The following LDLRAD4 variants were observed in gnomAD, a reference collection of about 807,000 sequenced individuals.
LDLRAD4 encodes low-density lipoprotein receptor class A domain-containing protein 4.
LDLRAD4 carries 5 observed loss-of-function variants against 17.0 expected under a neutral mutation model. The observed-to-expected ratio is 0.29, with a 90% CI of 0.15 to 0.62. The LOEUF (loss-of-function observed/expected upper bound fraction) is 0.62, where lower values mean the gene tolerates loss of function less well. LDLRAD4 is among the 20% of genes least tolerant of loss of function. The pLI, the probability that LDLRAD4 is intolerant of heterozygous loss-of-function variation, is 0.84. For synonymous variants in LDLRAD4, 168 were observed against 171.8 expected (o/e 0.98, Z 0.17); for missense variants, 340 against 424.7 (o/e 0.80, Z 1.75).
chr18:13,252,525 C>T (rs866928538), intron 1 of LDLRAD4, among the ~76,000 whole-genome samples: 1 of 152,204 alleles, frequency 6.6e-6, no homozygotes, highest in South Asian at 2.1e-4. Flanking sequence ...GATGACTGAC[C>T]TCAGGCAGCC....
At chr18:13,568,294 C>CAA (rs757940032) in intron 3 of LDLRAD4, among the ~76,000 whole-genome samples, 2,374 of 116,484 alleles carry the variant, frequency 0.02, 62 homozygotes, top group African/African-American at 0.065. Context: ...ACTCCGTTTA[C>CAA]AAAAAAAAAA....
At chr18:13,250,376 A>G (rs1254189498) in intron 1 of LDLRAD4, among the ~76,000 whole-genome samples, 1 of 152,140 alleles carries the variant, frequency 6.6e-6, no homozygotes, top group Non-Finnish European at 1.5e-5. Flanking sequence ...GCTTAATAGA[A>G]GGAAATAAGT....
chr18:13,306,410 A>C (rs1217417425), intron 1 of LDLRAD4, among the ~76,000 whole-genome samples: 1 of 152,198 alleles, frequency 6.6e-6, no homozygotes, highest in Admixed American at 6.5e-5. Context: ...CTGCCTTTTA[A>C]ACTTCTTTCA....
intron 1 of LDLRAD4, among the ~76,000 whole-genome samples, chr18:13,257,850 G>A (rs2043593431): frequency 6.6e-6 from 1 of 152,216 alleles, no homozygotes; most frequent in Admixed American, 6.5e-5. Context: ...TGCCCAGGTT[G>A]AGAAACCTGC....
intron 1 of LDLRAD4, among the ~76,000 whole-genome samples, chr18:13,281,790 C>T (rs1239637070): frequency 3.9e-5 from 6 of 152,168 alleles, no homozygotes; most frequent in African/African-American, 1.2e-4. Flanking sequence ...TGTCTCCTCC[C>T]GGACCTCTGT....
At chr18:13,490,943 A>G (rs555027350) in intron 3 of LDLRAD4, among the ~76,000 whole-genome samples, 63 of 152,296 alleles carry the variant, frequency 4.1e-4, no homozygotes, top group Non-Finnish European at 7.2e-4. Flanking sequence ...GATATTCTGT[A>G]TCTCCAGCCT....
intron 3 of LDLRAD4, among the ~76,000 whole-genome samples, chr18:13,592,486 A>G (rs772450990): frequency 4.6e-4 from 70 of 152,372 alleles, no homozygotes; most frequent in Middle Eastern, 6.8e-3. Flanking sequence ...AGGTAGCATT[A>G]CGATTAGGAA....
chr18:13,264,240 G>A (rs2044084458), intron 1 of LDLRAD4, among the ~76,000 whole-genome samples: 1 of 152,228 alleles, frequency 6.6e-6, no homozygotes, highest in Non-Finnish European at 1.5e-5. Flanking sequence ...CTTTGAGGAG[G>A]TGGCCCTGCC....
intron 3 of LDLRAD4, among the ~76,000 whole-genome samples, chr18:13,495,080 TTGTC>T (rs1365447730): frequency 6.6e-6 from 1 of 152,110 alleles, no homozygotes; most frequent in Non-Finnish European, 1.5e-5. Context: ...GAGTGAATCA[TTGTC>T]TGAGAAAATG....
chr18:13,588,082 G>A (rs969151571), intron 3 of LDLRAD4, among the ~76,000 whole-genome samples: 10 of 151,570 alleles, frequency 6.6e-5, no homozygotes, highest in African/African-American at 1.5e-4. Context: ...TATTCATATC[G>A]GGAAAAAAAA....
chr18:13,645,254 C>T lies in LDLRAD4; in HGVS notation c.518C>T (p.Ser173Phe). 6.2e-7 allele frequency: 1 copy of T among 1,614,190 alleles called. No individual in the cohort carries two copies. The highest frequency in any genetic ancestry group is 8.5e-7 in the Non-Finnish European group (1 of 1,180,024). The stretch of plus-strand genomic sequence containing the variant: ...GAGATTGATCTTCCTCCCACCATCT[C>T]CCTGTCCGACGGTGAAGAGCCACCT... The change falls in exon 6 of 6, where the codon TCC (serine) becomes TTC (phenylalanine). Residue 173 changes from serine to phenylalanine, a missense_variant. Ser to Phe is a radical substitution (Grantham distance 155, BLOSUM62 -2). Transcript: ENST00000359446. The surrounding 1 kb of genome is among the most constrained non-coding windows in gnomAD (Gnocchi z 5.7).
intron 3 of LDLRAD4, among the ~76,000 whole-genome samples, chr18:13,458,767 C>G (rs1218363036): frequency 3.9e-5 from 6 of 152,234 alleles, no homozygotes; most frequent in Non-Finnish European, 7.3e-5. Context: ...CAGCTGTGCT[C>G]AGAACCAGAG....
intron 1 of LDLRAD4, among the ~76,000 whole-genome samples, chr18:13,338,632 A>G (rs914344410): frequency 6.6e-6 from 1 of 152,232 alleles, no homozygotes; most frequent in South Asian, 2.1e-4. Context: ...TGAAGAACAC[A>G]GTTCAGTTTC....
chr18:13,378,250 GC>G (rs927121751), intron 1 of LDLRAD4, among the ~76,000 whole-genome samples: 15 of 152,256 alleles, frequency 9.9e-5, no homozygotes, highest in Non-Finnish European at 1.8e-4. Context: ...GGACCAGGCA[GC>G]CTTCCCCTGA....
chr18:13,265,030 A>AC (rs2044138086), intron 1 of LDLRAD4, among the ~76,000 whole-genome samples: 1 of 151,836 alleles, frequency 6.6e-6, no homozygotes, highest in Non-Finnish European at 1.5e-5. Context: ...TGCTGTTCTG[A>AC]CCCCCTCCTG....
chr18:13,399,269 G>C (rs576899748), intron 2 of LDLRAD4, among the ~76,000 whole-genome samples: 1 of 152,150 alleles, frequency 6.6e-6, no homozygotes, highest in Non-Finnish European at 1.5e-5. Context: ...ACAGTGATGT[G>C]TTTATACACA....
intron 3 of LDLRAD4, among the ~76,000 whole-genome samples, chr18:13,590,260 GTATA>G (rs1428449685): frequency 4.0e-5 from 6 of 150,328 alleles, no homozygotes; most frequent in Non-Finnish European, 7.4e-5. Flanking sequence ...GGATAGGTGT[GTATA>G]TATGTGTGTG....
chr18:13,258,847 G>C (rs2043647723), intron 1 of LDLRAD4, among the ~76,000 whole-genome samples: 1 of 152,168 alleles, frequency 6.6e-6, no homozygotes, highest in South Asian at 2.1e-4. Flanking sequence ...GATTACACCA[G>C]AAAAACTAGC....
chr18:13,519,076 A>G (rs1425835605), intron 3 of LDLRAD4, among the ~76,000 whole-genome samples: 1 of 152,184 alleles, frequency 6.6e-6, no homozygotes, highest in Non-Finnish European at 1.5e-5. Flanking sequence ...TGGAAGCTCA[A>G]ATTCATTGCT....
Sources: gnomAD v4.1 joint callset for allele counts (sites outside exome capture counted in the v4.1 genomes callset) on GRCh38, gnomAD v4.1.1 for gene constraint, Gnocchi (gnomAD v3.1) non-coding constraint, MANE v1.5 for transcripts, NCBI Gene and HGNC (gene_info 2026-07-23, HGNC 2026-07-21) for gene names.